Variants in OGA observed in about 807,000 individuals in gnomAD.
OGA encodes O-GlcNAcase.
OGA carries 21 observed loss-of-function variants against 102.0 expected under a neutral mutation model. The ratio of observed to expected loss-of-function variants is 0.21; its 90% CI spans 0.15 to 0.30. The LOEUF (loss-of-function observed/expected upper bound fraction) is 0.30, where lower values mean the gene tolerates loss of function less well. Among genes scored for constraint, OGA ranks in the 10% least tolerant of loss-of-function variants. OGA has a pLI of 1.00. For missense variants in OGA, 765 were observed against 1,107.8 expected (o/e 0.69, Z 4.39); for synonymous variants, 408 against 378.2 (o/e 1.08, Z -0.91).
chr10:101,792,883 T>C lies in OGA; in HGVS notation c.2131A>G (p.Thr711Ala), dbSNP rs2065275217. 1.2e-6 allele frequency: 2 copies of C among 1,613,242 alleles called. No homozygotes were observed. The highest frequency in any genetic ancestry group is 2.2e-5 in the East Asian group (1 of 44,882). The change falls in exon 12 of 16, where the codon ACC (threonine) becomes GCC (alanine). Residue 711 changes from threonine (T) to alanine (A), a missense_variant. Physicochemically the swap from Thr to Ala is moderately conservative, Grantham distance 58. This residue lies in a region of OGA where 146 missense variants were observed against 269.7 expected (regional missense o/e 0.54). Transcript: ENST00000361464. ...GGTCTGATAGTATAAACTTTGGAGG[T>C]AGGAGTCAGTGGAGGTGGCTGAAAA... ...LFFQPPPLTP[T>A]SKVYTIRPYF...
In OGA at chr10:101,800,607, T is replaced by C. The variant is rs17770568; in HGVS notation, c.1037-207A>G. Among the ~76,000 whole-genome samples, 8,911 of 152,212 alleles carry C rather than the reference T, an allele frequency of 0.059. 276 individuals carry two copies. The highest frequency in any genetic ancestry group is 0.099 in the Middle Eastern group (29 of 294). ...ATAGGATAGTAACCTAAACGTAATGTTAAATGTAAAATCTCAATTGAAATA... is the reference window on the plus strand; with the variant it reads ...ATAGGATAGTAACCTAAACGTAATGCTAAATGTAAAATCTCAATTGAAATA... On this transcript the variant is annotated intron_variant, in intron 7 of 15. Coordinates refer to ENST00000361464, the MANE Select transcript of OGA (RefSeq NM_012215.5).
At chr10:101,810,743 TG>T (rs1372118198) in intron 3 of OGA, among the ~76,000 whole-genome samples, 12 of 152,356 alleles carry the variant, frequency 7.9e-5, no homozygotes, top group African/African-American at 2.9e-4. Flanking sequence ...ATGCAGCCGC[TG>T]CTTTTTTATT....
Position 101,798,903 on chromosome 10 carries a change from T to C in OGA, c.1748A>G (p.Gln583Arg). The C allele has an allele frequency of 6.2e-7, 1 of 1,614,104 alleles. No individual in the cohort carries two copies. ...AACACTACTATTTGCTCGAAGCCAT[T>C]GAAATTCCCGTAACATCTGTGCTCC... ...PKGAQMLREF[Q>R]WLRANSSVVS... Residue 583 changes from glutamine (Q) to arginine (R), a missense_variant, in exon 9 of 16, where the codon CAA becomes CGA. Gln to Arg is a conservative substitution (Grantham distance 43, BLOSUM62 1). Coordinates refer to ENST00000361464, the MANE Select transcript of OGA (RefSeq NM_012215.5).
chr10:101,818,362 T>G lies in OGA; in HGVS notation c.-340A>C. The G allele has an allele frequency of 2.0e-5, 21 of 1,073,766 alleles. No individual in the cohort carries two copies. The highest frequency in any genetic ancestry group is 2.4e-5 in the Non-Finnish European group (21 of 885,482). The allele number at this position is 1,073,766 out of a possible 1,614,324, so 66.5% of individuals were successfully genotyped here. A position where few individuals can be genotyped will look rare whatever the true frequency, so the allele number is the denominator to read the frequency against. ...TCTGCCTCTGCTGCCCTCCCGATAA[T>G]CTTAGGTCTTCCGCTGTTTCCCCTC... On this transcript the variant is annotated 5_prime_UTR_variant, in exon 1 of 16. Coordinates refer to ENST00000361464, the MANE Select transcript of OGA (RefSeq NM_012215.5).
At chr10:101,803,150 A>G (rs2065417758) in intron 7 of OGA, among the ~76,000 whole-genome samples, 1 of 151,860 alleles carries the variant, frequency 6.6e-6, no homozygotes, top group South Asian at 2.1e-4. Flanking sequence ...CAAAAAAAAA[A>G]AAAAAGAGTA....
chr10:101,813,001 G>C (rs370216558), intron 3 of OGA, 29 bp downstream of exon 3: 214 of 1,473,994 alleles, frequency 1.5e-4, no homozygotes, highest in Non-Finnish European at 2.0e-4. Flanking sequence ...CACAGATTTT[G>C]AATTTATGGA....
intron 10 of OGA, chr10:101,795,752 T>C (rs962744595): frequency 2.0e-5 from 6 of 296,156 alleles, no homozygotes; most frequent in Non-Finnish European, 3.0e-5. Flanking sequence ...TGGGCCACAC[T>C]GGAAGAACTG....
chr10:101,796,224 T>G (rs938377377), intron 10 of OGA, among the ~76,000 whole-genome samples: 4 of 152,108 alleles, frequency 2.6e-5, no homozygotes, highest in Non-Finnish European at 5.9e-5. Flanking sequence ...CTCTTGAGCC[T>G]AAGGGTAGAT....
chr10:101,799,261 G>A lies in OGA; in HGVS notation c.1390C>T (p.Pro464Ser). 6.2e-7 allele frequency: 1 copy of A among 1,614,094 alleles called. No individual in the cohort carries two copies. Among genetic ancestry groups the A allele is most frequent in the African/African-American group, 1.3e-5 (1 of 75,008 alleles). The change falls in exon 9 of 16, where the codon CCC (proline) becomes TCC (serine). Residue 464 changes from proline to serine, a missense_variant. Pro to Ser is a moderately conservative substitution (Grantham distance 74, BLOSUM62 -1). Around this residue, in one of 7 missense-constraint regions of OGA, gnomAD observed 281 missense variants for 345.8 expected, o/e 0.81. Transcript: ENST00000361464. ...EEEKKQPDEE[P>S]MDMVVEKQEE... ...TGTTTTTCCACCACCATGTCCATGG[G>A]TTCTTCATCAGGCTGTTTCTTTTCT...
intron 14 of OGA, 145 bp from the exon 15 acceptor site, chr10:101,787,668 T>C: frequency 1.5e-6 from 1 of 682,814 alleles, no homozygotes; most frequent in Non-Finnish European, 2.4e-6. Flanking sequence ...ATCCTATAAT[T>C]CTAGCTGAAG....
chr10:101,808,554 T>C (rs1181279057), intron 4 of OGA, among the ~76,000 whole-genome samples: 2 of 152,206 alleles, frequency 1.3e-5, no homozygotes, highest in African/African-American at 4.8e-5. Context: ...AATAGTAAAA[T>C]AACTTCATTC....
intron 1 of OGA, among the ~76,000 whole-genome samples, chr10:101,817,204 T>C (rs751708886): frequency 6.6e-6 from 1 of 152,200 alleles, no homozygotes; most frequent in Non-Finnish European, 1.5e-5. Flanking sequence ...TAAATTCCAA[T>C]TACGCATCTC....
intron 10 of OGA, among the ~76,000 whole-genome samples, chr10:101,794,896 T>C (rs980758360): frequency 3.3e-5 from 5 of 152,210 alleles, no homozygotes; most frequent in East Asian, 3.8e-4. Flanking sequence ...TTCTTTTCCA[T>C]TGGAAGACAG....
intron 14 of OGA, 75 bp downstream of exon 14, chr10:101,790,821 G>A: frequency 9.1e-7 from 1 of 1,099,368 alleles, no homozygotes; most frequent in Non-Finnish European, 1.3e-6. Context: ...ATTTTAGTAA[G>A]TACTTTAATA....
At chr10:101,807,201 T>C (rs969614510) in intron 5 of OGA, among the ~76,000 whole-genome samples, 10 of 152,300 alleles carry the variant, frequency 6.6e-5, no homozygotes, top group Admixed American at 4.6e-4. Flanking sequence ...GGGGAAAACT[T>C]CCTGTAAGTT....
chr10:101,802,364 C>G (rs1402670797), intron 7 of OGA, among the ~76,000 whole-genome samples: 2 of 152,160 alleles, frequency 1.3e-5, no homozygotes, highest in African/African-American at 4.8e-5. Flanking sequence ...CCTTACCCAA[C>G]ACTAGACTGT....
chr10:101,803,153 A>T (rs2065417792), intron 7 of OGA, among the ~76,000 whole-genome samples: 1 of 151,830 alleles, frequency 6.6e-6, no homozygotes, highest in South Asian at 2.1e-4. Flanking sequence ...AAAAAAAAAA[A>T]AAGAGTATGT....
intron 4 of OGA, among the ~76,000 whole-genome samples, chr10:101,809,705 CAA>C (rs373690932): frequency 2.4e-4 from 14 of 59,030 alleles, no homozygotes; most frequent in Non-Finnish European, 3.0e-4. Flanking sequence ...GACTCTGTCT[CAA>C]AAAAAAAAAA....
intron 4 of OGA, 52 bp downstream of exon 4, chr10:101,810,132 T>G: frequency 6.7e-7 from 1 of 1,490,666 alleles, no homozygotes; most frequent in Non-Finnish European, 9.1e-7. Context: ...CTGAGTAAAC[T>G]TCTAGTTTCA....
Sources: allele counts gnomAD v4.1 joint callset (sites outside exome capture counted in the v4.1 genomes callset), GRCh38; gene constraint gnomAD v4.1.1; regional missense constraint gnomAD v4.1.1; transcripts MANE v1.5; gene names NCBI Gene and HGNC (gene_info 2026-07-23, HGNC 2026-07-21).